SCYL3: variants seen among roughly 807,000 people sequenced by gnomAD.
SCYL3 encodes the protein protein-associating with the carboxyl-terminal domain of ezrin.
In SCYL3, 35 loss-of-function variants were observed where a neutral mutation model predicts 73.8. The observed-to-expected ratio is 0.47, with a 90% CI of 0.36 to 0.63. SCYL3 has a LOEUF of 0.63. Ranked by LOEUF, SCYL3 falls within the 20% of genes least tolerant of loss-of-function variation. SCYL3 has a pLI of 0.00. For missense variants in SCYL3, 712 were observed against 798.9 expected, an observed-to-expected ratio of 0.89 and a Z score of 1.31; for synonymous variants, 277 against 295.2, an observed-to-expected ratio of 0.94 and a Z score of 0.63.
At chr1:169,890,381 GT>G (rs1257315146) in intron 1 of SCYL3, among the ~76,000 whole-genome samples, 1 of 152,220 alleles carries the variant, frequency 6.6e-6, no homozygotes, top group Non-Finnish European at 1.5e-5. Context: ...CTCTGGCAAT[GT>G]AGAAAGCAAA....
rs767488890 is a variant in SCYL3, at chr1:169,854,368, T to C, written c.1909A>G (p.Ile637Val). ...PEIKPSAAFL[I>V]LPELRTEMVP... ...ATTTCTGTCCTCAGTTCAGGTAATATAAGAAAAGCAGCAGAAGGCTTAATT... is the reference window on the plus strand; with the variant it reads ...ATTTCTGTCCTCAGTTCAGGTAATACAAGAAAAGCAGCAGAAGGCTTAATT... Residue 637 changes from isoleucine to valine, a missense_variant, in exon 12 of 13, where the codon ATA becomes GTA. Physicochemically the swap from Ile to Val is conservative, Grantham distance 29 (BLOSUM62 3). This residue lies in a region of SCYL3 where 370 missense variants were observed against 350.8 expected (regional missense o/e 1.05). Transcript: ENST00000367771. 1.4e-5 allele frequency: 22 copies of C among 1,614,040 alleles called. No individual in the cohort carries two copies. Among genetic ancestry groups the C allele is most frequent in the Non-Finnish European group, 1.5e-5 (18 of 1,179,948 alleles).
Position 169,854,516 on chromosome 1 carries a change from T to TGAC in SCYL3, c.1758_1760dup (p.Ser588dup). ...GAACCTTAAGGGGCCTTTCTTGTGA[T>TGAC]GACACTTTTGGCGGCTCGATTTGGT... On this transcript the variant is annotated inframe_insertion, in exon 12 of 13. Coordinates refer to ENST00000367771, the MANE Select transcript of SCYL3 (RefSeq NM_020423.7). The TGAC allele has an allele frequency of 6.2e-7, 1 of 1,614,098 alleles. No individual in the cohort carries two copies. Among genetic ancestry groups the TGAC allele is most frequent in the South Asian group, 1.1e-5 (1 of 91,082 alleles).
chr1:169,852,798 A>C lies in SCYL3; in HGVS notation c.*915T>G, dbSNP rs1658573914. 3 of 1,613,928 alleles carry C rather than the reference A, an allele frequency of 1.9e-6. No individual in the cohort carries two copies. Among genetic ancestry groups the C allele is most frequent in the Non-Finnish European group, 2.5e-6 (3 of 1,179,906 alleles). ...TTATGTTTTTTTTCCAGCCTTATGC[A>C]AAAAGAGCTCGTCAGGAGTTCCCCT... On this transcript the variant is annotated 3_prime_UTR_variant, in exon 13 of 13. Transcript: ENST00000367771.
chr1:169,867,186 G>A (rs948433811), intron 7 of SCYL3, among the ~76,000 whole-genome samples: 2 of 152,190 alleles, frequency 1.3e-5, no homozygotes, highest in African/African-American at 4.8e-5. Context: ...GATCTGTGAC[G>A]AGGATACAAG....
At chr1:169,882,090 A>G (rs1661310555) in intron 2 of SCYL3, among the ~76,000 whole-genome samples, 1 of 152,176 alleles carries the variant, frequency 6.6e-6, no homozygotes. Flanking sequence ...CGGTTCCCTC[A>G]GCTTGCAGGG....
Position 169,854,555 on chromosome 1 carries a change from C to G in SCYL3, c.1722G>C (p.Arg574Ser), listed in dbSNP as rs374960229. The change falls in exon 12 of 13, where the codon AGG becomes AGC. Residue 574 changes from arginine to serine, a missense_variant. Coordinates refer to ENST00000367771, the MANE Select transcript of SCYL3 (RefSeq NM_020423.7). The stretch of plus-strand genomic sequence containing the variant: ...GCTCGATTTGGTCTGCGTCATCCCC[C>G]CTTTGTACAAGGCTAATCTTTTGGG... ...SLPQKISLVQ[R>S]GDDADQIEPP... is the part of the protein sequence containing the mutation. The G allele has an allele frequency of 5.6e-6, 9 of 1,613,872 alleles. No individual in the cohort carries two copies. Among genetic ancestry groups the G allele is most frequent in the African/African-American group, 5.3e-5 (4 of 74,976 alleles).
intron 8 of SCYL3, among the ~76,000 whole-genome samples, chr1:169,866,538 G>A (rs1255916362): frequency 6.6e-6 from 1 of 152,204 alleles, no homozygotes; most frequent in Non-Finnish European, 1.5e-5. Context: ...GGACTCAACT[G>A]TTTGCGGTTC....
chr1:169,875,961 G>A lies in SCYL3; in HGVS notation c.465+17C>T. The A allele has an allele frequency of 6.5e-7, 1 of 1,533,794 alleles. No individual in the cohort carries two copies. Among genetic ancestry groups the A allele is most frequent in the Non-Finnish European group, 8.9e-7 (1 of 1,118,848 alleles). ...ATTAAAAACCAAGTAAGGAAGGGGG[G>A]CTGTCCCCTGGCTTACCTCTGGTGT... On this transcript the variant is annotated intron_variant, in intron 4 of 12. Transcript: ENST00000367771.
chr1:169,891,324 A>C (rs1662071314), intron 1 of SCYL3, among the ~76,000 whole-genome samples: 1 of 152,176 alleles, frequency 6.6e-6, no homozygotes, highest in African/African-American at 2.4e-5. Context: ...ATCCATCTCA[A>C]GACTACCGGA....
chr1:169,875,106 G>A (rs563421181), intron 4 of SCYL3, among the ~76,000 whole-genome samples: 2 of 152,266 alleles, frequency 1.3e-5, no homozygotes, highest in South Asian at 4.2e-4. Flanking sequence ...AATATGGACA[G>A]AATAACCAGA....
At chr1:169,873,665 C>T (rs772605972) in intron 5 of SCYL3, 31 bp downstream of exon 5, 12 of 1,486,368 alleles carry the variant, frequency 8.1e-6, no homozygotes, top group Non-Finnish European at 1.0e-5. Flanking sequence ...CACAAAGGCA[C>T]CTTCATTATA....
intron 3 of SCYL3, among the ~76,000 whole-genome samples, chr1:169,876,565 C>T (rs534113136): frequency 2.0e-5 from 3 of 152,214 alleles, no homozygotes; most frequent in African/African-American, 4.8e-5. Context: ...CATTCTATCA[C>T]GAACCCAGAT....
Position 169,858,099 on chromosome 1 carries a change from A to G in SCYL3, c.1312+942T>C, listed in dbSNP as rs1216627523. Among the ~76,000 whole-genome samples the G allele has an allele frequency of 2.0e-5, 3 of 151,976 alleles. No homozygotes were observed. In the East Asian group the frequency reaches 5.8e-4, roughly 29 times the overall value. On this transcript the variant is annotated intron_variant, in intron 11 of 12. Transcript: ENST00000367771. ...TTAGGCTACACTAAGTTTATTAAAA[A>G]TTTTTCTTCAATAATGTTATTTACT...
At position 169,862,706 on chromosome 1, in the gene SCYL3, A is replaced by G. The variant is rs146854464; in HGVS notation, c.1047T>C (p.His349=). The G allele has an allele frequency of 8.0e-4, 1,296 of 1,614,206 alleles. No homozygotes were observed. The highest frequency in any genetic ancestry group is 9.4e-4 in the Non-Finnish European group (1,113 of 1,180,028). The part of the protein sequence containing the change: ...IPVLLQLFEV[H]EEHVRMVLLS... ...GCAGCACCATCCGCACATGCTCTTC[A>G]TGAACTTCAAACAACTGGAGAAGCA... Residue 349 remains histidine, a synonymous_variant, in exon 10 of 13, where the codon CAT becomes CAC. Coordinates refer to ENST00000367771, the MANE Select transcript of SCYL3 (RefSeq NM_020423.7).
chr1:169,850,078 G>A lies in SCYL3; in HGVS notation c.*3635C>T, dbSNP rs190639527. On this transcript the variant is annotated 3_prime_UTR_variant, in exon 13 of 13. Coordinates refer to ENST00000367771, the MANE Select transcript of SCYL3 (RefSeq NM_020423.7). ...GAAGTAATTAAAGCTTACAACACTTGTACAGAAGTTAATTTTGTATTATCC... is the reference window on the plus strand; with the variant it reads ...GAAGTAATTAAAGCTTACAACACTTATACAGAAGTTAATTTTGTATTATCC... The A allele has an allele frequency of 3.6e-4, 208 of 581,232 alleles. No homozygotes were observed. In the African/African-American group the frequency reaches 3.6e-3, roughly 10 times the overall value. The allele number at this position is 581,232 out of a possible 1,614,324, so 36.0% of individuals were successfully genotyped here. A position where few individuals can be genotyped will look rare whatever the true frequency, so the allele number is the denominator to read the frequency against.
intron 1 of SCYL3, among the ~76,000 whole-genome samples, chr1:169,893,057 T>C (rs1345412606): frequency 6.6e-6 from 1 of 152,146 alleles, no homozygotes; most frequent in East Asian, 1.9e-4. Flanking sequence ...TGACAAGCAA[T>C]ACACAATTAA....
chr1:169,857,485 A>G (rs1392453158), intron 11 of SCYL3, among the ~76,000 whole-genome samples: 1 of 152,186 alleles, frequency 6.6e-6, no homozygotes, highest in Non-Finnish European at 1.5e-5. Flanking sequence ...AATATGGGGG[A>G]CCAACTGGAA....
chr1:169,864,678 G>A (rs1391386969), intron 8 of SCYL3, among the ~76,000 whole-genome samples, 170 bp from the exon 9 acceptor site: 1 of 152,152 alleles, frequency 6.6e-6, no homozygotes, highest in Non-Finnish European at 1.5e-5. Flanking sequence ...AAAAATGCGT[G>A]GCTGGGTGCA....
chr1:169,877,535 AT>A (rs1417972007), intron 3 of SCYL3, among the ~76,000 whole-genome samples: 1 of 152,208 alleles, frequency 6.6e-6, no homozygotes, highest in East Asian at 1.9e-4. Flanking sequence ...AAAGATAAAT[AT>A]TTTTTAAAGG....
Sources: gnomAD v4.1 joint callset for allele counts (sites outside exome capture counted in the v4.1 genomes callset) on GRCh38, gnomAD v4.1.1 for gene constraint, gnomAD v4.1.1 regional missense constraint, MANE v1.5 for transcripts, NCBI Gene and HGNC (gene_info 2026-07-23, HGNC 2026-07-21) for gene names.